The following CSNK2A2IP variants were observed in gnomAD, a reference collection of about 807,000 sequenced individuals.
CSNK2A2IP encodes the protein casein kinase II subunit alpha'-interacting protein.
chr3:88,450,608 A>T, the CSNK2A2IP span, among the ~76,000 whole-genome samples: 3 of 152,164 alleles, frequency 2.0e-5, no homozygotes, highest in African/African-American at 7.2e-5. Flanking sequence ...TGTGGTGGCA[A>T]ATAGCAAGAT....
chr3:88,467,265 CTCT>C, the CSNK2A2IP span: 5 of 401,652 alleles, frequency 1.2e-5, no homozygotes, highest in Admixed American at 1.8e-4. Flanking sequence ...CTTCTGACTC[CTCT>C]TCTTCATCTT....
At chr3:88,459,600 T>C in the CSNK2A2IP span, among the ~76,000 whole-genome samples, 1 of 152,122 alleles carries the variant, frequency 6.6e-6, no homozygotes, top group Non-Finnish European at 1.5e-5. Flanking sequence ...CAATGTTAAA[T>C]GCAGTAGTGA....
At chr3:88,355,808 G>A in the CSNK2A2IP span, among the ~76,000 whole-genome samples, 1 of 152,074 alleles carries the variant, frequency 6.6e-6, no homozygotes, top group Non-Finnish European at 1.5e-5. Context: ...ATGGTCTTGT[G>A]TGGGCAAATG....
chr3:88,376,757 T>C, the CSNK2A2IP span, among the ~76,000 whole-genome samples: 1,510 of 151,920 alleles, frequency 9.9e-3, 22 homozygotes, highest in African/African-American at 0.035. Context: ...TTGACCTTTA[T>C]GTTAAGCTCA....
the CSNK2A2IP span, among the ~76,000 whole-genome samples, chr3:88,360,290 C>A: frequency 2.0e-5 from 3 of 151,536 alleles, no homozygotes; most frequent in Non-Finnish European, 4.4e-5. Context: ...CCCACCACAA[C>A]GCCCGGCTAT....
At chr3:88,370,501 A>G in the CSNK2A2IP span, among the ~76,000 whole-genome samples, 2 of 151,618 alleles carry the variant, frequency 1.3e-5, no homozygotes, top group Non-Finnish European at 2.9e-5. Flanking sequence ...CAGCATTCAC[A>G]CATGAGAACC....
At chr3:88,459,981 C>T in the CSNK2A2IP span, among the ~76,000 whole-genome samples, 1 of 151,914 alleles carries the variant, frequency 6.6e-6, no homozygotes, top group African/African-American at 2.4e-5. Flanking sequence ...TCCTTTTAAA[C>T]TTTGAACTAT....
At chr3:88,421,156 C>G in the CSNK2A2IP span, among the ~76,000 whole-genome samples, 1 of 152,000 alleles carries the variant, frequency 6.6e-6, no homozygotes, top group Non-Finnish European at 1.5e-5. Flanking sequence ...TTTAAAAAAC[C>G]CTTCCAAACT....
chr3:88,430,241 G>A, the CSNK2A2IP span, among the ~76,000 whole-genome samples: 2 of 151,962 alleles, frequency 1.3e-5, no homozygotes, highest in African/African-American at 2.4e-5. Flanking sequence ...TGAAAGAAAG[G>A]TTTGATAGGA....
At chr3:88,439,937 T>C in the CSNK2A2IP span, among the ~76,000 whole-genome samples, 1 of 152,036 alleles carries the variant, frequency 6.6e-6, no homozygotes, top group African/African-American at 2.4e-5. Context: ...CTGAGATAGT[T>C]TTGAGAGAGA....
the CSNK2A2IP span, among the ~76,000 whole-genome samples, chr3:88,341,754 C>A: frequency 1.3e-5 from 2 of 151,836 alleles, no homozygotes; most frequent in African/African-American, 4.8e-5. Flanking sequence ...AACATTAATG[C>A]TATTTAAAAT....
At chr3:88,361,853 T>C in the CSNK2A2IP span, among the ~76,000 whole-genome samples, 3 of 151,972 alleles carry the variant, frequency 2.0e-5, no homozygotes, top group Non-Finnish European at 1.5e-5. Flanking sequence ...TCACTAATTC[T>C]TTCTTCTGCT....
chr3:88,420,740 A>T, the CSNK2A2IP span, among the ~76,000 whole-genome samples: 1 of 152,090 alleles, frequency 6.6e-6, no homozygotes, highest in Admixed American at 6.5e-5. Context: ...AATGTATGTT[A>T]TTTGGTTTAT....
the CSNK2A2IP span, among the ~76,000 whole-genome samples, chr3:88,355,218 G>A: frequency 6.6e-6 from 1 of 152,172 alleles, no homozygotes; most frequent in Non-Finnish European, 1.5e-5. Context: ...TGGTGGTGCA[G>A]AAGTAGAGTA....
chr3:88,466,008 A>T, the CSNK2A2IP span: 1 of 1,231,668 alleles, frequency 8.1e-7, no homozygotes, highest in Non-Finnish European at 1.0e-6. Context: ...CATTGCTTCA[A>T]TCCAAACCTC....
chr3:88,358,766 G>T, the CSNK2A2IP span, among the ~76,000 whole-genome samples: 2 of 152,066 alleles, frequency 1.3e-5, no homozygotes, highest in South Asian at 2.1e-4. Context: ...TTGCATGTGC[G>T]TTCATCAGAA....
chr3:88,363,139 G>A, the CSNK2A2IP span, among the ~76,000 whole-genome samples: 3 of 152,106 alleles, frequency 2.0e-5, no homozygotes, highest in Non-Finnish European at 4.4e-5. Context: ...GCAGAGTGGG[G>A]ATGGGCAGTA....
the CSNK2A2IP span, among the ~76,000 whole-genome samples, chr3:88,450,622 G>T: frequency 1.3e-5 from 2 of 152,040 alleles, no homozygotes; most frequent in Admixed American, 1.3e-4. Context: ...GCAAGATCGG[G>T]TTCTTTTTAG....
the CSNK2A2IP span, among the ~76,000 whole-genome samples, chr3:88,464,371 C>T: frequency 6.6e-6 from 1 of 150,660 alleles, no homozygotes; most frequent in African/African-American, 2.4e-5. Flanking sequence ...TGAACATCAC[C>T]GATGTGATTA....
Sources: allele counts gnomAD v4.1 joint callset (sites outside exome capture counted in the v4.1 genomes callset), GRCh38; gene constraint gnomAD v4.1.1; transcripts MANE v1.5; gene names NCBI Gene and HGNC (gene_info 2026-07-23, HGNC 2026-07-21).